The following PCSK5 variants were observed in gnomAD, a reference collection of about 807,000 sequenced individuals.
PCSK5 encodes proprotein convertase subtilisin/kexin type 5, also known as prohormone convertase 5.
Under a neutral mutation model 233.2 loss-of-function variants are expected in PCSK5, and 129 were observed. The observed-to-expected ratio is 0.55, with a 90% CI of 0.48 to 0.64. PCSK5 has a LOEUF of 0.64. Among genes scored for constraint, PCSK5 ranks in the 30% least tolerant of loss-of-function variants. The probability of loss-of-function intolerance (pLI) is 0.00; values close to 1 mark genes in which losing one functional copy is unlikely to be tolerated. For synonymous variants in PCSK5, 825 were observed against 879.2 expected (o/e 0.94, Z 1.09); for missense variants, 2,076 against 2,430.1 (o/e 0.85, Z 3.06).
intron 24 of PCSK5, among the ~76,000 whole-genome samples, chr9:76,281,512 T>C (rs1827862861): frequency 1.3e-5 from 2 of 152,338 alleles, no homozygotes; most frequent in South Asian, 4.1e-4. Flanking sequence ...AAAAGAGTTT[T>C]CAAACTATTA....
intron 30 of PCSK5, among the ~76,000 whole-genome samples, chr9:76,314,398 AAACT>A (rs1828959191): frequency 6.6e-6 from 1 of 152,196 alleles, no homozygotes; most frequent in Admixed American, 6.5e-5. Context: ...CAAAAAAAGA[AAACT>A]AACAACAGAA....
At chr9:75,910,668 T>C (rs1156503555) in intron 1 of PCSK5, among the ~76,000 whole-genome samples, 1 of 152,182 alleles carries the variant, frequency 6.6e-6, no homozygotes, top group Non-Finnish European at 1.5e-5. Context: ...AAATAGCATG[T>C]TAATTTTGTA....
At chr9:76,186,632 C>T (rs1824116581) in intron 17 of PCSK5, among the ~76,000 whole-genome samples, 2 of 152,146 alleles carry the variant, frequency 1.3e-5, no homozygotes, top group Admixed American at 1.3e-4. Context: ...TCCCCCTTAC[C>T]TCATTCCTTC....
At chr9:75,942,945 C>T (rs78364007) in intron 2 of PCSK5, among the ~76,000 whole-genome samples, 14 of 138,190 alleles carry the variant, frequency 1.0e-4, no homozygotes, top group Admixed American at 4.1e-4. Context: ...AGAGCAGTGG[C>T]GCGATCTTGG....
chr9:75,933,849 A>G (rs905497281), intron 2 of PCSK5, among the ~76,000 whole-genome samples: 2 of 152,106 alleles, frequency 1.3e-5, no homozygotes, highest in East Asian at 1.9e-4. Context: ...TTTCATCTCA[A>G]ACTTTTTTGA....
chr9:76,167,093 A>G (rs1274732165), intron 12 of PCSK5, among the ~76,000 whole-genome samples: 1 of 152,198 alleles, frequency 6.6e-6, no homozygotes, highest in Non-Finnish European at 1.5e-5. Context: ...TTGAGGACCC[A>G]TTCCAGTGGG....
intron 2 of PCSK5, among the ~76,000 whole-genome samples, chr9:75,962,257 G>T (rs1271289330): frequency 6.6e-6 from 1 of 152,140 alleles, no homozygotes; most frequent in Non-Finnish European, 1.5e-5. Context: ...GGCTCTGAAG[G>T]GTGGATATGT....
chr9:76,341,545 T>C (rs1462074459), intron 35 of PCSK5, among the ~76,000 whole-genome samples: 2 of 152,190 alleles, frequency 1.3e-5, no homozygotes, highest in Non-Finnish European at 2.9e-5. Flanking sequence ...CCTCCCATCT[T>C]GGCCACCCAA....
intron 5 of PCSK5, among the ~76,000 whole-genome samples, chr9:76,028,370 A>G (rs1187337798): frequency 6.6e-6 from 1 of 152,174 alleles, no homozygotes; most frequent in Non-Finnish European, 1.5e-5. Flanking sequence ...GAGTTTTATT[A>G]TTGCTCAAAT....
chr9:76,194,691 T>C (rs1327859849), intron 20 of PCSK5: 1 of 454,660 alleles, frequency 2.2e-6, no homozygotes, highest in East Asian at 7.2e-5. Flanking sequence ...ATGAGGAAAC[T>C]ATTTGGATTA....
chr9:75,991,149 A>G (rs984443381), intron 3 of PCSK5, among the ~76,000 whole-genome samples: 4 of 152,116 alleles, frequency 2.6e-5, no homozygotes, highest in Admixed American at 6.5e-5. Flanking sequence ...CCAAAGTCAC[A>G]CCATTTACCA....
At chr9:75,948,343 A>G (rs1002912675) in intron 2 of PCSK5, among the ~76,000 whole-genome samples, 3 of 109,920 alleles carry the variant, frequency 2.7e-5, no homozygotes, top group Non-Finnish European at 3.3e-5. Flanking sequence ...CCATTGTGTG[A>G]TGTTCCCCGC....
chr9:75,976,702 T>A (rs1003032513), intron 2 of PCSK5, among the ~76,000 whole-genome samples: 2 of 151,810 alleles, frequency 1.3e-5, no homozygotes, highest in Non-Finnish European at 2.9e-5. Flanking sequence ...GTTTAAAATA[T>A]TAAATACTTT....
chr9:76,029,458 A>AT (rs1434571713), intron 5 of PCSK5, among the ~76,000 whole-genome samples: 1 of 152,178 alleles, frequency 6.6e-6, no homozygotes, highest in Non-Finnish European at 1.5e-5. Flanking sequence ...TCCAGTCCTT[A>AT]TTTTTATTAA....
At chr9:76,004,783 T>G (rs1014870810) in intron 3 of PCSK5, among the ~76,000 whole-genome samples, 1 of 152,198 alleles carries the variant, frequency 6.6e-6, no homozygotes, top group Non-Finnish European at 1.5e-5. Flanking sequence ...TTTTCAGAAG[T>G]TCCCATCAGT....
At chr9:76,344,554 C>G (rs1238812787) in intron 35 of PCSK5, among the ~76,000 whole-genome samples, 1 of 152,124 alleles carries the variant, frequency 6.6e-6, no homozygotes, top group Non-Finnish European at 1.5e-5. Flanking sequence ...AATTAGATAA[C>G]AGATGAGAAA....
intron 3 of PCSK5, among the ~76,000 whole-genome samples, chr9:76,007,993 C>A (rs1827557991): frequency 6.6e-6 from 1 of 152,032 alleles, no homozygotes; most frequent in South Asian, 2.1e-4. Flanking sequence ...TCCTTCACTC[C>A]CAGAACTGGT....
chr9:76,120,050 G>A lies in PCSK5; in HGVS notation c.1208+12699G>A, dbSNP rs553478359. Among the ~76,000 whole-genome samples, 3 of 151,996 alleles carry A rather than the reference G, an allele frequency of 2.0e-5. No homozygotes were observed. The South Asian group carries it at 6.2e-4, about 32-fold the overall frequency. ...ATACCATAAATCAGTGACAATATGC[G>A]ATGCTGTTTTCTTGTTTTATTTTTC... is the stretch of plus-strand genomic sequence containing the variant. On this transcript the variant is annotated intron_variant, in intron 9 of 37. Coordinates refer to ENST00000674117, the MANE Select transcript of PCSK5 (RefSeq NM_001372043.1).
intron 2 of PCSK5, among the ~76,000 whole-genome samples, chr9:75,951,865 A>C (rs895517028): frequency 6.6e-6 from 1 of 152,230 alleles, no homozygotes; most frequent in Non-Finnish European, 1.5e-5. Flanking sequence ...TATAAGCTAC[A>C]TACAAATACT....
Sources: allele counts gnomAD v4.1 joint callset (sites outside exome capture counted in the v4.1 genomes callset), GRCh38; gene constraint gnomAD v4.1.1; transcripts MANE v1.5; gene names NCBI Gene and HGNC (gene_info 2026-07-23, HGNC 2026-07-21).